Variants in PEAK1 observed in about 807,000 individuals in gnomAD.
PEAK1 encodes the protein inactive tyrosine-protein kinase PEAK1.
In PEAK1, 54 loss-of-function variants were observed where a neutral mutation model predicts 124.7. The ratio of observed to expected loss-of-function variants is 0.43; its 90% CI spans 0.35 to 0.54. PEAK1 has a LOEUF of 0.54. PEAK1 is among the 20% of genes least tolerant of loss of function. The pLI, the probability that PEAK1 is intolerant of heterozygous loss-of-function variation, is 0.01. For missense variants in PEAK1, 2,046 were observed against 2,134.5 expected, an observed-to-expected ratio of 0.96 and a Z score of 0.82; for synonymous variants, 719 against 760.0, an observed-to-expected ratio of 0.95 and a Z score of 0.89.
At chr15:77,349,332 C>G (rs1367728707) in intron 2 of PEAK1, 8 of 980,748 alleles carry the variant, frequency 8.2e-6, no homozygotes, top group Non-Finnish European at 9.7e-6. Context: ...AGCCACCGCG[C>G]CCGGCCTCAG....
chr15:77,371,130 T>C, intron 1 of PEAK1: 1 of 959,514 alleles, frequency 1.0e-6, no homozygotes, highest in South Asian at 4.8e-5. Context: ...TATTTTCATA[T>C]CATTAATCAA....
chr15:77,420,223 C>T (rs1337069681), upstream of PEAK1: 1 of 150,726 alleles, frequency 6.6e-6, no homozygotes, highest in African/African-American at 2.4e-5. Flanking sequence ...CGCCCCTCCG[C>T]GCGCGCCCTC....
In PEAK1 at chr15:77,128,037, T is replaced by A. The variant is rs996111857; in HGVS notation, c.4077+4968A>T. 3.3e-5 allele frequency among the ~76,000 whole-genome samples: 5 copies of A among 149,328 alleles called. No homozygotes were observed. In the East Asian group the frequency reaches 5.9e-4, roughly 18 times the overall value. On this transcript the variant is annotated intron_variant, in intron 9 of 9. Coordinates refer to ENST00000682557, the MANE Select transcript of PEAK1 (RefSeq NM_001385026.1). ...GAGGCTGCAGTGAACCGAGATCGTG[T>A]CACTGCACTCCAGCCTGGGTGACAG...
intron 6 of PEAK1, among the ~76,000 whole-genome samples, chr15:77,217,988 A>C (rs1432244150): frequency 6.6e-6 from 1 of 152,156 alleles, no homozygotes; most frequent in Non-Finnish European, 1.5e-5. Context: ...TACCTTGCTA[A>C]ATTTATTTTA....
chr15:77,226,044 G>GATATATATAATATATATATAT lies in PEAK1; in HGVS notation c.-115+26322_-115+26323insATATATATATATTATATATAT, dbSNP rs57675196. On this transcript the variant is annotated intron_variant, in intron 6 of 9. Coordinates refer to ENST00000682557, the MANE Select transcript of PEAK1 (RefSeq NM_001385026.1). ...CAGTCACAGCAACTGAAAATAAAGG[G>GATATATATAATATATATATAT]ATATATATATATATATATATATATA... is the stretch of plus-strand genomic sequence containing the variant. Among the ~76,000 whole-genome samples the GATATATATAATATATATATAT allele has an allele frequency of 2.2e-3, 98 of 44,950 alleles. 4 individuals are homozygous for GATATATATAATATATATATAT. The highest frequency in any genetic ancestry group is 3.3e-3 in the Non-Finnish European group (69 of 20,732). 29.5% of individuals were successfully genotyped at this position (44,950 alleles called of 152,430 possible).
rs747490063 is a variant in PEAK1 at position 77,178,732 on chromosome 15, C to A, written c.3137+58G>T. On this transcript the variant is annotated intron_variant, in intron 7 of 9. Coordinates refer to ENST00000682557, the MANE Select transcript of PEAK1 (RefSeq NM_001385026.1). ...ATGCAATCTTAAAAGATATAAAAAA[C>A]TTAGCACCTGAAAATGTGTTAAAAA... 6.0e-6 allele frequency: 9 copies of A among 1,511,884 alleles called. No homozygotes were observed. The Admixed American group carries it at 1.5e-4, about 25-fold the overall frequency. 93.7% of individuals were successfully genotyped at this position (1,511,884 alleles called of 1,614,324 possible).
At chr15:77,273,169 G>C (rs1199036816) in intron 5 of PEAK1, among the ~76,000 whole-genome samples, 2 of 152,070 alleles carry the variant, frequency 1.3e-5, no homozygotes, top group Non-Finnish European at 2.9e-5. Context: ...ATACTGAATG[G>C]GGAAAAGTTG....
chr15:77,337,584 T>C (rs1221714982), intron 2 of PEAK1: 5 of 985,230 alleles, frequency 5.1e-6, no homozygotes, highest in Admixed American at 6.1e-5. Flanking sequence ...TTTTTAACTT[T>C]CACTTACCTC....
In PEAK1 at chr15:77,149,819, A is replaced by G. The variant is rs76700268; in HGVS notation, c.3331+8684T>C. Among the ~76,000 whole-genome samples, 1,107 of 151,954 alleles carry G rather than the reference A, an allele frequency of 7.3e-3. 15 individuals carry two copies. The highest frequency in any genetic ancestry group is 0.025 in the African/African-American group (1,051 of 41,422). On this transcript the variant is annotated intron_variant, in intron 8 of 9. Transcript: ENST00000682557. ...GGCTGCAAAGCAGTGGTGCAATCTCAGTTCACTGTGTCCTTGACCTCCTGG... is the reference window on the plus strand; with the variant it reads ...GGCTGCAAAGCAGTGGTGCAATCTCGGTTCACTGTGTCCTTGACCTCCTGG...
At chr15:77,360,605 A>G (rs1271032482) in intron 2 of PEAK1, among the ~76,000 whole-genome samples, 1 of 152,094 alleles carries the variant, frequency 6.6e-6, no homozygotes, top group Non-Finnish European at 1.5e-5. Flanking sequence ...GGGATGTGAC[A>G]CTCACCTATA....
chr15:77,341,219 T>C (rs1022886277), intron 2 of PEAK1, among the ~76,000 whole-genome samples: 10 of 152,160 alleles, frequency 6.6e-5, no homozygotes, highest in Non-Finnish European at 1.3e-4. Context: ...AAAGCTCTGC[T>C]TGGCTGGGTG....
intron 2 of PEAK1, among the ~76,000 whole-genome samples, chr15:77,329,591 G>GA (rs991892889): frequency 3.3e-5 from 5 of 152,028 alleles, no homozygotes; most frequent in South Asian, 2.1e-4. Context: ...TAAGTCAGAG[G>GA]AAAAAAATCA....
At chr15:77,151,962 G>A (rs1465284393) in intron 8 of PEAK1, among the ~76,000 whole-genome samples, 3 of 152,122 alleles carry the variant, frequency 2.0e-5, no homozygotes, top group Admixed American at 6.5e-5. Context: ...GATTGACTTG[G>A]CAATGCAGGC....
chr15:77,104,984 C>T (rs1415588466), downstream of PEAK1: 1 of 152,242 alleles, frequency 6.6e-6, no homozygotes, highest in Non-Finnish European at 1.5e-5. Context: ...AACTTTGCCC[C>T]TCCCTGGGGG....
At chr15:77,210,623 T>A (rs1263106642) in intron 6 of PEAK1, among the ~76,000 whole-genome samples, 1 of 152,214 alleles carries the variant, frequency 6.6e-6, no homozygotes, top group East Asian at 1.9e-4. Context: ...CTCACGCCTG[T>A]AATCCCAACA....
At chr15:77,358,813 C>G (rs369422914) in intron 2 of PEAK1, among the ~76,000 whole-genome samples, 2 of 152,108 alleles carry the variant, frequency 1.3e-5, no homozygotes, top group African/African-American at 4.8e-5. Flanking sequence ...ATGGTTTGTA[C>G]AGAAATTTTA....
intron 1 of PEAK1, among the ~76,000 whole-genome samples, chr15:77,409,764 G>A (rs2072241380): frequency 6.6e-6 from 1 of 152,108 alleles, no homozygotes; most frequent in Non-Finnish European, 1.5e-5. Flanking sequence ...TAGCCTCTTA[G>A]CATTTTTAGA....
At chr15:77,277,886 T>G (rs2062420292) in intron 5 of PEAK1, among the ~76,000 whole-genome samples, 1 of 152,076 alleles carries the variant, frequency 6.6e-6, no homozygotes, top group South Asian at 2.1e-4. Flanking sequence ...ATGCACAGGA[T>G]TTTTAGGGCA....
intron 5 of PEAK1, among the ~76,000 whole-genome samples, chr15:77,265,136 TAAAACCATA>T (rs1467082176): frequency 6.6e-6 from 1 of 152,108 alleles, no homozygotes; most frequent in Non-Finnish European, 1.5e-5. Flanking sequence ...ACGTTAGACC[TAAAACCATA>T]AAAACCCTAG....
Sources: gnomAD v4.1 joint callset for allele counts (sites outside exome capture counted in the v4.1 genomes callset) on GRCh38, gnomAD v4.1.1 for gene constraint, MANE v1.5 for transcripts, NCBI Gene and HGNC (gene_info 2026-07-23, HGNC 2026-07-21) for gene names.